TOM1L1: variants seen among roughly 807,000 people sequenced by gnomAD.
TOM1L1 encodes TOM1-like protein 1.
In TOM1L1, 64 loss-of-function variants were observed where a neutral mutation model predicts 63.4. The ratio of observed to expected loss-of-function variants is 1.01; its 90% CI spans 0.83 to 1.24. The LOEUF (loss-of-function observed/expected upper bound fraction) is 1.24. TOM1L1 is among the 50% of genes most tolerant of loss of function. The pLI, the probability that TOM1L1 is intolerant of heterozygous loss-of-function variation, is 0.00. For missense variants in TOM1L1, 536 were observed against 567.0 expected (o/e 0.95, Z 0.55); for synonymous variants, 166 against 194.4 (o/e 0.85, Z 1.22).
At chr17:54,914,790 G>A (rs1373880176) in intron 6 of TOM1L1, 47 bp downstream of exon 6, 1 of 1,434,170 alleles carries the variant, frequency 7.0e-7, no homozygotes, top group Non-Finnish European at 9.8e-7. Flanking sequence ...TTCCTGATTT[G>A]TAAGCACCTT....
rs758088210 is a variant in TOM1L1 at position 54,912,864 on chromosome 17, AT to A, written c.372+52del. ...GGATGGTAAATTTCTAAGATTAGGG[AT>A]TTAATAGCTTACCTCCTGATTGTTT... On this transcript the variant is annotated intron_variant, in intron 4 of 15. Transcript: ENST00000575882. 4 of 1,427,064 alleles carry A rather than the reference AT, an allele frequency of 2.8e-6. No individual in the cohort carries two copies. The South Asian group carries it at 6.4e-5, about 23-fold the overall frequency. The allele number at this position is 1,427,064 out of a possible 1,614,324, so 88.4% of individuals were successfully genotyped here. A position where few individuals can be genotyped will look rare whatever the true frequency, so the allele number is the denominator to read the frequency against.
Position 54,906,367 on chromosome 17 carries a change from T to A in TOM1L1, c.222+800T>A, listed in dbSNP as rs1050878425. On this transcript the variant is annotated intron_variant, in intron 3 of 15. Transcript: ENST00000575882. ...GCCTGTAGTCCCAGCTACTTGGGAG[T>A]CTGAGACAGGAGAATTGCCTGAACC... Among the ~76,000 whole-genome samples, 7 of 150,866 alleles carry A rather than the reference T, an allele frequency of 4.6e-5. No homozygotes were observed. In the East Asian group the frequency reaches 1.4e-3, roughly 29 times the overall value.
Position 54,912,748 on chromosome 17 carries a change from T to C in TOM1L1, c.305T>C (p.Val102Ala). ...VKKEFVKENL[V>A]KLLNPRYNLP... ...AAGGAATTTGTTAAAGAGAATTTAG[T>C]TAAGCTACTGAATCCCAGATACAAC... Residue 102 changes from valine (V) to alanine (A), a missense_variant, in exon 4 of 16, where the codon GTT becomes GCT. By Grantham distance (64) the Val-to-Ala change is moderately conservative. Coordinates refer to ENST00000575882, the MANE Select transcript of TOM1L1 (RefSeq NM_005486.3). The C allele has an allele frequency of 1.2e-6, 2 of 1,611,900 alleles. No homozygotes were observed. The highest frequency in any genetic ancestry group is 1.7e-6 in the Non-Finnish European group (2 of 1,179,344).
intron 1 of TOM1L1, 73 bp downstream of exon 1, chr17:54,900,996 G>A: frequency 6.3e-7 from 1 of 1,597,714 alleles, no homozygotes; most frequent in Admixed American, 1.7e-5. Flanking sequence ...ATCCATTCTC[G>A]GCCTGCAGAG....
chr17:54,931,949 G>A (rs1321832620), intron 8 of TOM1L1, among the ~76,000 whole-genome samples: 2 of 121,482 alleles, frequency 1.6e-5, no homozygotes, highest in Admixed American at 7.7e-5. Context: ...TTTTTTCTTC[G>A]TTTTTTTTTT....
intron 4 of TOM1L1, 149 bp downstream of exon 4, chr17:54,912,964 T>G (rs1046448703): frequency 4.5e-6 from 3 of 672,692 alleles, no homozygotes; most frequent in African/African-American, 1.9e-5. Context: ...TAATAATAAT[T>G]TTTTGGCATT....
At chr17:54,935,952 G>A (rs191725025) in intron 8 of TOM1L1, among the ~76,000 whole-genome samples, 13 of 152,026 alleles carry the variant, frequency 8.6e-5, no homozygotes, top group Admixed American at 5.2e-4. Flanking sequence ...GAGAAACCCC[G>A]TCTCTACTAA....
At position 54,913,910 on chromosome 17, in the gene TOM1L1, A is replaced by G. The variant is rs771717896; in HGVS notation, c.498+37A>G. ...TTCTTTGACCCATGGAGACTATAGT[A>G]GTGTATCACTTGGGTCTTTTCTCAT... On this transcript the variant is annotated intron_variant, in intron 5 of 15. Transcript: ENST00000575882. The G allele has an allele frequency of 7.6e-6, 12 of 1,579,640 alleles. No individual in the cohort carries two copies. In the Admixed American group the frequency reaches 2.1e-4, roughly 28 times the overall value.
At chr17:54,949,733 G>T (rs2049181593) in intron 13 of TOM1L1, 110 bp downstream of exon 13, 1 of 941,732 alleles carries the variant, frequency 1.1e-6, no homozygotes, top group Non-Finnish European at 1.7e-6. Flanking sequence ...ATGCTCTTTT[G>T]TATTTTTAAG....
chr17:54,961,777 G>T lies in TOM1L1; in HGVS notation c.*544G>T. On this transcript the variant is annotated 3_prime_UTR_variant, in exon 16 of 16. Transcript: ENST00000575882. ...TAATTGTCATTTAATTATATTTCAG[G>T]TGTCCTGAACAGGTCACTAGACTCT... 9.9e-7 allele frequency: 1 copy of T among 1,013,104 alleles called. No individual in the cohort carries two copies. Among genetic ancestry groups the T allele is most frequent in the Non-Finnish European group, 1.2e-6 (1 of 847,840 alleles). The allele number at this position is 1,013,104 out of a possible 1,614,324, so 62.8% of individuals were successfully genotyped here.
rs773126009 is a variant in TOM1L1 at position 54,947,311 on chromosome 17, A to G, written c.1181A>G (p.Asn394Ser). The G allele has an allele frequency of 1.1e-5, 17 of 1,614,140 alleles. No individual in the cohort carries two copies. The East Asian group carries it at 3.8e-4, about 36-fold the overall frequency. Residue 394 changes from asparagine (N) to serine (S), a missense_variant and splice_region_variant, in exon 12 of 16, where the codon AAT becomes AGT. Asn to Ser is a conservative substitution (Grantham distance 46). Coordinates refer to ENST00000575882, the MANE Select transcript of TOM1L1 (RefSeq NM_005486.3). ...QNLTSSHAYD[N>S]FLEHSNSVFL... ...CTCACCTCAAGCCACGCATATGATA[A>G]TGTAAGTAACAAAACTCTTTTCTAG...
intron 2 of TOM1L1, among the ~76,000 whole-genome samples, chr17:54,904,387 A>G (rs1281879613): frequency 1.3e-5 from 2 of 151,850 alleles, no homozygotes; most frequent in Non-Finnish European, 1.5e-5. Flanking sequence ...AAAAAAAAAA[A>G]AAAATTGAAA....
Position 54,912,827 on chromosome 17 carries a change from G to A in TOM1L1, c.372+12G>A, listed in dbSNP as rs535464400. The A allele has an allele frequency of 8.4e-5, 133 of 1,576,588 alleles. No individual in the cohort carries two copies. The highest frequency in any genetic ancestry group is 1.1e-4 in the Non-Finnish European group (130 of 1,166,386). ...TGAATTTCATTAAGGTAAGTCTGTT[G>A]TATACCTCATGGGATGGTAAATTTC... On this transcript the variant is annotated intron_variant, in intron 4 of 15. Transcript: ENST00000575882.
intron 7 of TOM1L1, among the ~76,000 whole-genome samples, chr17:54,924,266 C>CT (rs2048731235): frequency 6.8e-6 from 1 of 146,292 alleles, no homozygotes; most frequent in African/African-American, 2.6e-5. Flanking sequence ...TTTTCTTTTT[C>CT]TTTTCTTTTC....
intron 11 of TOM1L1, among the ~76,000 whole-genome samples, chr17:54,941,129 C>G (rs1490319295): frequency 6.6e-6 from 1 of 152,058 alleles, no homozygotes; most frequent in Non-Finnish European, 1.5e-5. Context: ...GAATTTCTTT[C>G]TCCGTTATTC....
chr17:54,943,558 A>AATATATATATGTATATATGTTTAT (rs2049067108), intron 11 of TOM1L1, among the ~76,000 whole-genome samples: 3 of 150,880 alleles, frequency 2.0e-5, no homozygotes, highest in Admixed American at 1.3e-4. Context: ...TTGTTAGCAA[A>AATATATATATGTATATATGTTTAT]ATATATATAT....
chr17:54,935,505 A>G (rs1200481333), intron 8 of TOM1L1, among the ~76,000 whole-genome samples: 2 of 152,124 alleles, frequency 1.3e-5, no homozygotes, highest in Non-Finnish European at 2.9e-5. Context: ...CAGTAATACT[A>G]TATGTTTCTA....
rs143987970 is a variant in TOM1L1, at chr17:54,930,138, C to A, written c.786C>A (p.Asn262Lys). The A allele has an allele frequency of 2.5e-6, 4 of 1,613,994 alleles. No individual in the cohort carries two copies. The highest frequency in any genetic ancestry group is 3.4e-6 in the Non-Finnish European group (4 of 1,179,988). The change falls in exon 8 of 16, where the codon AAC becomes AAA. Residue 262 changes from asparagine to lysine, a missense_variant. Physicochemically the swap from Asn to Lys is moderately conservative, Grantham distance 94. Coordinates refer to ENST00000575882, the MANE Select transcript of TOM1L1 (RefSeq NM_005486.3). The stretch of plus-strand genomic sequence containing the variant: ...TGGACCTGCTTGTGGTGGTGGAGAA[C>A]GAAGATGTAACTGTTGAGCTAATTC... ...RIMDLLVVVE[N>K]EDVTVELIQV...
intron 14 of TOM1L1, among the ~76,000 whole-genome samples, chr17:54,950,786 T>C (rs2049212388): frequency 6.6e-6 from 1 of 152,254 alleles, no homozygotes; most frequent in Non-Finnish European, 1.5e-5. Context: ...GTTTTTGACC[T>C]GTGCAGAATT....
Sources: gnomAD v4.1 joint callset for allele counts (sites outside exome capture counted in the v4.1 genomes callset) on GRCh38, gnomAD v4.1.1 for gene constraint, MANE v1.5 for transcripts, NCBI Gene and HGNC (gene_info 2026-07-23, HGNC 2026-07-21) for gene names.